The following DLGAP2 variants were observed in gnomAD, a reference collection of about 807,000 sequenced individuals.
DLGAP2 encodes DLG associated protein 2, also known as disks large-associated protein 2.
In DLGAP2, 26 loss-of-function variants were observed where a neutral mutation model predicts 100.3. The ratio of observed to expected loss-of-function variants is 0.26; its 90% CI spans 0.19 to 0.36. The LOEUF is 0.36. Ranked by LOEUF, DLGAP2 falls within the 10% of genes least tolerant of loss-of-function variation. DLGAP2 has a pLI of 1.00. For missense variants in DLGAP2, 1,858 were observed against 1,453.2 expected (o/e 1.28, Z -4.53); for synonymous variants, 886 against 630.1 (o/e 1.41, Z -6.08).
chr8:1,021,161 C>A (rs1042973810), intron 2 of DLGAP2, among the ~76,000 whole-genome samples: 2 of 152,072 alleles, frequency 1.3e-5, no homozygotes, highest in African/African-American at 4.8e-5. Flanking sequence ...GAGTAAATAG[C>A]TCTAGTAAAA....
chr8:818,781 A>G (rs1796532858), intron 1 of DLGAP2, among the ~76,000 whole-genome samples: 1 of 152,242 alleles, frequency 6.6e-6, no homozygotes, highest in Non-Finnish European at 1.5e-5. Flanking sequence ...AATGTTATAG[A>G]ATCATAAAGT....
In DLGAP2 at chr8:1,043,810, A is replaced by G. The variant is rs775294071; in HGVS notation, c.73+135844A>G. Among the ~76,000 whole-genome samples the G allele has an allele frequency of 3.9e-5, 6 of 152,102 alleles. No homozygotes were observed. In the East Asian group the frequency reaches 5.8e-4, roughly 15 times the overall value. On this transcript the variant is annotated intron_variant, in intron 2 of 14. Transcript: ENST00000637795. ...TGTTTTGGGCTCTCAGGGGTGGGCA[A>G]TGCCTCTTTGGCTGCTGTTAGAAGG...
intron 1 of DLGAP2, among the ~76,000 whole-genome samples, chr8:804,004 G>T (rs1483561073): frequency 1.3e-5 from 2 of 152,146 alleles, no homozygotes; most frequent in African/African-American, 4.8e-5. Context: ...CTTCTTGCTG[G>T]GTTGGCGGGG....
chr8:1,140,163 C>G (rs569768518), intron 2 of DLGAP2, among the ~76,000 whole-genome samples: 1 of 152,166 alleles, frequency 6.6e-6, no homozygotes, highest in African/African-American at 2.4e-5. Context: ...CTTGGCCAGG[C>G]CCATGTCGTA....
At chr8:1,201,895 T>C (rs568807267) in intron 2 of DLGAP2, among the ~76,000 whole-genome samples, 2 of 152,230 alleles carry the variant, frequency 1.3e-5, no homozygotes, top group Admixed American at 6.5e-5. Flanking sequence ...ATGTGGTGTG[T>C]ATGTACATGT....
intron 5 of DLGAP2, 122 bp downstream of exon 5, chr8:1,549,805 G>C: frequency 9.1e-7 from 1 of 1,100,202 alleles, no homozygotes; most frequent in Non-Finnish European, 1.3e-6. Context: ...AGGATGTTCT[G>C]AGCTACGGAT....
At chr8:1,635,522 TG>T (rs1563271156) in intron 8 of DLGAP2, among the ~76,000 whole-genome samples, 2 of 152,316 alleles carry the variant, frequency 1.3e-5, no homozygotes, top group East Asian at 3.9e-4. Flanking sequence ...GTGTGGTGTA[TG>T]GGGAGAGAGG....
chr8:1,263,658 G>C (rs1341942127), intron 3 of DLGAP2, among the ~76,000 whole-genome samples: 2 of 152,094 alleles, frequency 1.3e-5, no homozygotes, highest in African/African-American at 4.8e-5. Context: ...AATATGTGTT[G>C]TCTTAACATT....
At chr8:865,660 G>T (rs530019690) in intron 1 of DLGAP2, among the ~76,000 whole-genome samples, 2 of 152,322 alleles carry the variant, frequency 1.3e-5, no homozygotes, top group East Asian at 3.9e-4. Context: ...GCTAAATCCG[G>T]TTTTAAGGTT....
chr8:1,275,135 C>T lies in DLGAP2; in HGVS notation c.106+16252C>T, dbSNP rs540899107. ...CGAGCACTGGCTCAATGTCATGGTC[C>T]CAGTGCCTCCCTGAGTTACACAGAG... On this transcript the variant is annotated intron_variant, in intron 3 of 14. Coordinates refer to ENST00000637795, the MANE Select transcript of DLGAP2 (RefSeq NM_001346810.2). 9.9e-5 allele frequency among the ~76,000 whole-genome samples: 15 copies of T among 152,238 alleles called. No homozygotes were observed. In the South Asian group the frequency reaches 3.1e-3, roughly 32 times the overall value.
At chr8:899,865 C>T (rs2128997158) in intron 1 of DLGAP2, among the ~76,000 whole-genome samples, 1 of 152,334 alleles carries the variant, frequency 6.6e-6, no homozygotes, top group Non-Finnish European at 1.5e-5. Flanking sequence ...AGACACACCA[C>T]TTATTTGTTA....
intron 1 of DLGAP2, among the ~76,000 whole-genome samples, chr8:894,974 G>GGGTGGCATGGGAAGAGCAGAGT (rs1798116212): frequency 6.8e-6 from 1 of 146,274 alleles, no homozygotes; most frequent in Non-Finnish European, 1.5e-5. Flanking sequence ...CGGATGGCAG[G>GGGTGGCATGGGAAGAGCAGAGT]GGTGGCATGG....
In DLGAP2 at chr8:739,270, G is replaced by A. The variant is rs1372212029; in HGVS notation, c.18+1445G>A. 2.6e-5 allele frequency: 4 copies of A among 152,140 alleles called. No individual in the cohort carries two copies. The East Asian group carries it at 5.8e-4, about 22-fold the overall frequency. 9.4% of individuals were successfully genotyped at this position (152,140 alleles called of 1,614,324 possible). A position where few individuals can be genotyped will look rare whatever the true frequency, so the allele number is the denominator to read the frequency against. ...GGGGGGTACCCCCCGGAGAGGTCGG[G>A]CCTGGGGCGCGGCGGACAGAGACCC... On this transcript the variant is annotated intron_variant, in intron 1 of 14. Transcript: ENST00000637795.
intron 2 of DLGAP2, among the ~76,000 whole-genome samples, chr8:1,250,220 C>T (rs1458396153): frequency 6.6e-6 from 1 of 152,124 alleles, no homozygotes; most frequent in South Asian, 2.1e-4. Context: ...AAATCTGCCC[C>T]CAGAAACACC....
chr8:1,340,019 T>C (rs1801382700), intron 3 of DLGAP2, among the ~76,000 whole-genome samples: 2 of 152,200 alleles, frequency 1.3e-5, no homozygotes, highest in African/African-American at 2.4e-5. Flanking sequence ...ATTCAATCCA[T>C]GGTACTGGGA....
chr8:943,542 C>T (rs536377824), intron 2 of DLGAP2, among the ~76,000 whole-genome samples: 2 of 150,934 alleles, frequency 1.3e-5, no homozygotes, highest in Non-Finnish European at 2.9e-5. Flanking sequence ...GAGGAGGTGG[C>T]GTGTGGACGT....
chr8:945,994 C>A (rs1363512181), intron 2 of DLGAP2, among the ~76,000 whole-genome samples: 1 of 152,146 alleles, frequency 6.6e-6, no homozygotes, highest in Non-Finnish European at 1.5e-5. Context: ...CTGTGCCCCA[C>A]TTTGCTGCAT....
intron 2 of DLGAP2, 106 bp from the exon 3 acceptor site, chr8:1,258,745 G>A (rs754403934): frequency 8.1e-6 from 8 of 989,538 alleles, no homozygotes; most frequent in Non-Finnish European, 1.0e-5. Context: ...GTGGTCAAGC[G>A]GCGTCATCTT....
chr8:1,497,754 T>A (rs1275749837), intron 3 of DLGAP2, among the ~76,000 whole-genome samples: 1 of 152,092 alleles, frequency 6.6e-6, no homozygotes, highest in East Asian at 1.9e-4. Flanking sequence ...AGTACGGTAG[T>A]CCCCGCTGTC....
Sources: allele counts gnomAD v4.1 joint callset (sites outside exome capture counted in the v4.1 genomes callset), GRCh38; gene constraint gnomAD v4.1.1; transcripts MANE v1.5; gene names NCBI Gene and HGNC (gene_info 2026-07-23, HGNC 2026-07-21).